The following CAPN15 variants were observed in gnomAD, a reference collection of about 807,000 sequenced individuals.
The protein encoded by CAPN15 is calpain-15.
CAPN15 carries 53 observed loss-of-function variants against 97.9 expected under a neutral mutation model. The ratio of observed to expected loss-of-function variants is 0.54; its 90% CI spans 0.43 to 0.68. CAPN15 has a LOEUF of 0.68. Ranked by LOEUF, CAPN15 falls within the 30% of genes least tolerant of loss-of-function variation. The pLI is 0.00. For missense variants in CAPN15, 1,592 were observed against 1,589.8 expected (o/e 1.00, Z -0.02); for synonymous variants, 922 against 722.5 (o/e 1.28, Z -4.43).
chr16:547,432 C>T lies in CAPN15; in HGVS notation c.594C>T (p.Ala198=), dbSNP rs199679088. 2.3e-4 allele frequency: 366 copies of T among 1,581,310 alleles called. 3 individuals carry two copies. The African/African-American group carries it at 3.3e-3, about 14-fold the overall frequency. ...CGGCCGGCTTCCACGTCGTGCCTGC[C>T]GCGCCTCCACCTGGCCTCCCCGGGG... The part of the protein sequence containing the change: ...VAPAGFHVVP[A]APPPGLPGEG... Residue 198 remains alanine, a synonymous_variant, in exon 4 of 14, where the codon GCC becomes GCT. Coordinates refer to ENST00000219611, the MANE Select transcript of CAPN15 (RefSeq NM_005632.3).
intron 1 of CAPN15, chr16:528,603 G>A: frequency 3.0e-6 from 1 of 328,350 alleles, no homozygotes; most frequent in Non-Finnish European, 4.4e-6. Flanking sequence ...TCCTCCCGCT[G>A]GCTGCAGAAG....
At chr16:544,777 TCGTCTCCCCCACGTCGTCGTCTCCCCCA>T in intron 3 of CAPN15, among the ~76,000 whole-genome samples, 1 of 18,196 alleles carries the variant, frequency 5.5e-5, no homozygotes, top group Non-Finnish European at 9.0e-5. Flanking sequence ...CTCCCCCACG[TCGTCTCCCCCACGTCGTCGTCTCCCCCA>T]CGTCGCCTCC....
intron 3 of CAPN15, chr16:537,629 G>T (rs2033820932): frequency 5.5e-6 from 1 of 183,042 alleles, no homozygotes; most frequent in Non-Finnish European, 1.0e-5. Context: ...CCCGCTCAGG[G>T]TTTGGCTACA....
chr16:550,526 A>G (rs2034914789), intron 7 of CAPN15, among the ~76,000 whole-genome samples: 1 of 152,198 alleles, frequency 6.6e-6, no homozygotes, highest in Non-Finnish European at 1.5e-5. Flanking sequence ...GGTCGCGGCC[A>G]GCGAGGGCAC....
At chr16:539,968 C>T in intron 3 of CAPN15, 1 of 639,994 alleles carries the variant, frequency 1.6e-6, no homozygotes, top group South Asian at 7.0e-5. Context: ...GAGATGTCCC[C>T]TCAGCCTACC....
chr16:530,587 C>T (rs1337504677), intron 1 of CAPN15, among the ~76,000 whole-genome samples: 1 of 152,200 alleles, frequency 6.6e-6, no homozygotes, highest in East Asian at 1.9e-4. Context: ...CGTTCAGCCA[C>T]ACCCTGTCAC....
At position 552,686 on chromosome 16, in the gene CAPN15, T is replaced by C; in HGVS notation, c.2819T>C (p.Val940Ala). The stretch of plus-strand genomic sequence containing the variant: ...CTGGCTGTGTACAGCTCGAGGCTGG[T>C]CATGGTGGAGCCCGTGGAAGCCCAG... ...HVLAVYSSRL[V>A]MVEPVEAQPT... The change falls in exon 12 of 14, where the codon GTC becomes GCC. Residue 940 changes from valine to alanine, a missense_variant. This residue lies in a region of CAPN15 where 644 missense variants were observed against 699.6 expected (regional missense o/e 0.92). Transcript: ENST00000219611. The surrounding 1 kb of genome is among the most constrained non-coding windows in gnomAD (Gnocchi z 6.4). The C allele has an allele frequency of 1.9e-6, 3 of 1,543,986 alleles. No individual in the cohort carries two copies. The highest frequency in any genetic ancestry group is 1.7e-6 in the Non-Finnish European group (2 of 1,146,024).
In CAPN15 at chr16:554,569, A is replaced by G. The variant is rs1383289780; in HGVS notation, c.*1053A>G. 6.6e-6 allele frequency: 3 copies of G among 456,106 alleles called. No individual in the cohort carries two copies. The highest frequency in any genetic ancestry group is 2.0e-5 in the African/African-American group (1 of 50,062). 28.3% of individuals were successfully genotyped at this position (456,106 alleles called of 1,614,324 possible). On this transcript the variant is annotated 3_prime_UTR_variant, in exon 14 of 14. Transcript: ENST00000219611. ...CAATTGTCAGTCCCGTTCCTTTACC[A>G]TAGGATTCTCCACAGTGGCTTCCGA...
At chr16:534,235 G>GCGGCCCGGGGTCCCGGCGGGGCC (rs374380680) in intron 2 of CAPN15, among the ~76,000 whole-genome samples, 3 of 151,436 alleles carry the variant, frequency 2.0e-5, no homozygotes, top group South Asian at 2.1e-4. Flanking sequence ...TCCCGACAGG[G>GCGGCCCGGGGTCCCGGCGGGGCC]GTGTTTGTCC....
intron 7 of CAPN15, among the ~76,000 whole-genome samples, 169 bp from the exon 8 acceptor site, chr16:551,133 G>T (rs2035032328): frequency 8.0e-6 from 1 of 124,780 alleles, no homozygotes; most frequent in Non-Finnish European, 1.6e-5. Flanking sequence ...CCCTGTTGGT[G>T]AGGGCCCCGG....
In CAPN15 at chr16:543,004, TTG is replaced by T. The variant is rs1567143876; in HGVS notation, c.-22-3812_-22-3811del. On this transcript the variant is annotated intron_variant, in intron 3 of 13. Coordinates refer to ENST00000219611, the MANE Select transcript of CAPN15 (RefSeq NM_005632.3). ...AGGCGGAGGTTGCAGTGAGCCAAGA[TTG>T]CACCACTGCACTCCAGTGTGGGCGA... 3.9e-3 allele frequency among the ~76,000 whole-genome samples: 591 copies of T among 152,032 alleles called. 5 individuals are homozygous for T. Among genetic ancestry groups the T allele is most frequent in the African/African-American group, 0.013 (531 of 41,456 alleles).
chr16:553,100 G>A (rs2035225559), intron 13 of CAPN15, 59 bp downstream of exon 13: 1 of 834,022 alleles, frequency 1.2e-6, no homozygotes, highest in Admixed American at 4.1e-5. Context: ...CTACCCCGCT[G>A]CACCCACACC....
Position 549,337 on chromosome 16 carries a change from C to T in CAPN15, c.1708C>T (p.Arg570Trp), listed in dbSNP as rs139524862. ...VLAERPDLVE[R>W]VMVTRSLCAE... ...GGCGGAGCGGCCGGACCTGGTGGAG[C>T]GGGTGATGGTCACGCGCAGCCTGTG... Residue 570 changes from arginine to tryptophan, a missense_variant, in exon 6 of 14, where the codon CGG becomes TGG. Physicochemically the swap from Arg to Trp is moderately radical, Grantham distance 101. Transcript: ENST00000219611. 10 of 1,594,582 alleles carry T rather than the reference C, an allele frequency of 6.3e-6. No homozygotes were observed. Among genetic ancestry groups the T allele is most frequent in the African/African-American group, 1.3e-5 (1 of 74,772 alleles).
rs117824785 is a variant in CAPN15 at position 547,312 on chromosome 16, C to G, written c.474C>G (p.Pro158=). Residue 158 remains proline (P), a synonymous_variant, in exon 4 of 14, where the codon CCC becomes CCG. Coordinates refer to ENST00000219611, the MANE Select transcript of CAPN15 (RefSeq NM_005632.3). ...CGCGTTGCACGCTGCACAACACGCC[C>G]GTGGCCAGCTCCTGCTCCGTCTGCG... The part of the protein sequence containing the change: ...ACPRCTLHNT[P]VASSCSVCGG... The G allele has an allele frequency of 3.9e-6, 6 of 1,526,858 alleles. No individual in the cohort carries two copies. The East Asian group carries it at 1.2e-4, about 31-fold the overall frequency. The allele number at this position is 1,526,858 out of a possible 1,614,324, so 94.6% of individuals were successfully genotyped here.
rs1464130799 is a variant in CAPN15 at position 548,998 on chromosome 16, T to C, written c.1455T>C (p.Asn485=). The change falls in exon 5 of 14, where the codon AAT becomes AAC. Residue 485 remains asparagine, a synonymous_variant. Transcript: ENST00000219611. ...ENIVAFCREN[N]VSFVDDSFPP... is the part of the protein sequence containing the mutation. ...CATGGCCGTGGTCTCTGCAGAACAA[T>C]GTGAGCTTCGTGGATGACAGCTTCC... The C allele has an allele frequency of 5.6e-6, 9 of 1,612,524 alleles. No individual in the cohort carries two copies. The highest frequency in any genetic ancestry group is 7.6e-6 in the Non-Finnish European group (9 of 1,179,892).
rs529407180 is a variant in CAPN15 at position 552,371 on chromosome 16, G to A, written c.2578G>A (p.Gly860Ser). The change falls in exon 11 of 14, where the codon GGC (glycine) becomes AGC (serine). Residue 860 changes from glycine (G) to serine (S), a missense_variant. By Grantham distance (56) the Gly-to-Ser change is moderately conservative. Around this residue, in one of 3 missense-constraint regions of CAPN15, gnomAD observed 644 missense variants for 699.6 expected, o/e 0.92. Coordinates refer to ENST00000219611, the MANE Select transcript of CAPN15 (RefSeq NM_005632.3). The surrounding 1 kb of genome is among the most constrained non-coding windows in gnomAD (Gnocchi z 6.4). ...ILVFRATFGS[G>S]GHLSLGRLLA... ...GGTGTTCCGGGCCACGTTCGGCAGC[G>A]GCGGCCACCTCAGCCTGGGCCGCCT... 4.5e-5 allele frequency: 72 copies of A among 1,601,226 alleles called. No homozygotes were observed. Among genetic ancestry groups the A allele is most frequent in the Middle Eastern group, 3.3e-4 (2 of 6,050 alleles).
In CAPN15 at chr16:551,368, G is replaced by A; in HGVS notation, c.2133G>A (p.Leu711=). The change falls in exon 8 of 14, where the codon CTG becomes CTA. Residue 711 remains leucine, a synonymous_variant. Transcript: ENST00000219611. ...MKVDDSAYES[L]GLRPRHAYSI... ...TGGACGATTCGGCCTACGAGAGCCT[G>A]GGCCTGCGCCCCCGGCATGCCTACT... 1 of 1,610,234 alleles carries A rather than the reference G, an allele frequency of 6.2e-7. No individual in the cohort carries two copies. Among genetic ancestry groups the A allele is most frequent in the African/African-American group, 1.3e-5 (1 of 75,028 alleles).
chr16:547,516 G>C lies in CAPN15; in HGVS notation c.678G>C (p.Pro226=). 3 of 1,598,158 alleles carry C rather than the reference G, an allele frequency of 1.9e-6. No homozygotes were observed. The highest frequency in any genetic ancestry group is 2.5e-6 in the Non-Finnish European group (3 of 1,179,134). Residue 226 remains proline, a synonymous_variant, in exon 4 of 14, where the codon CCG becomes CCC. Transcript: ENST00000219611. ...TSQGPAAEPE[P]PRVPPFSPFS... ...AGGGCCCAGCTGCCGAACCAGAGCC[G>C]CCCAGGGTCCCGCCCTTCAGCCCCT...
chr16:544,080 G>A (rs868177467), intron 3 of CAPN15, among the ~76,000 whole-genome samples: 31 of 152,254 alleles, frequency 2.0e-4, no homozygotes, highest in African/African-American at 4.1e-4. Context: ...GGGCACCGGC[G>A]GCTCAGCACA....
Sources: allele counts gnomAD v4.1 joint callset (sites outside exome capture counted in the v4.1 genomes callset), GRCh38; gene constraint gnomAD v4.1.1; regional missense constraint gnomAD v4.1.1; non-coding constraint Gnocchi (gnomAD v3.1); transcripts MANE v1.5; gene names NCBI Gene and HGNC (gene_info 2026-07-23, HGNC 2026-07-21).